Variants in SYN2 observed in about 807,000 individuals in gnomAD.
SYN2 encodes synapsin-2.
A neutral mutation model predicts 50.9 loss-of-function variants in SYN2; 19 were observed. The ratio of observed to expected loss-of-function variants is 0.37; its 90% CI spans 0.26 to 0.55. SYN2 has a LOEUF of 0.55. SYN2 is among the 20% of genes least tolerant of loss of function. The pLI, the probability that SYN2 is intolerant of heterozygous loss-of-function variation, is 0.81. For synonymous variants in SYN2, 255 were observed against 224.9 expected (o/e 1.13, Z -1.20); for missense variants, 587 against 576.4 (o/e 1.02, Z -0.19).
chr3:12,122,469 C>T (rs1012931420), intron 1 of SYN2, among the ~76,000 whole-genome samples: 3 of 152,042 alleles, frequency 2.0e-5, no homozygotes, highest in Non-Finnish European at 4.4e-5. Context: ...ATTGTAATAC[C>T]AACACAGCAA....
chr3:12,182,656 AC>A (rs1344362781), intron 10 of SYN2, among the ~76,000 whole-genome samples: 1 of 152,026 alleles, frequency 6.6e-6, no homozygotes, highest in African/African-American at 2.4e-5. Flanking sequence ...ACAAATGACG[AC>A]CCCTTTCTTT....
intron 1 of SYN2, among the ~76,000 whole-genome samples, chr3:12,022,022 A>G (rs1203385781): frequency 6.6e-6 from 1 of 151,658 alleles, no homozygotes; most frequent in Non-Finnish European, 1.5e-5. Context: ...GTGAGCTGAG[A>G]TCACACTGCC....
chr3:12,176,368 C>A (rs910737408), intron 10 of SYN2, among the ~76,000 whole-genome samples: 9 of 152,182 alleles, frequency 5.9e-5, no homozygotes, highest in African/African-American at 2.2e-4. Context: ...CTGTAAAATT[C>A]TCCAGAGCCA....
chr3:12,071,333 C>T (rs1559408377), intron 1 of SYN2: 2 of 570,290 alleles, frequency 3.5e-6, no homozygotes, highest in Non-Finnish European at 7.0e-6. Flanking sequence ...AACAAGTTGG[C>T]CCCTCCATCG....
At chr3:12,014,784 C>T (rs1165855573) in intron 1 of SYN2, among the ~76,000 whole-genome samples, 1 of 152,158 alleles carries the variant, frequency 6.6e-6, no homozygotes, top group South Asian at 2.1e-4. Context: ...TTCCACACAG[C>T]TTTTTTGGCT....
At chr3:12,068,689 T>G (rs1048905276) in intron 1 of SYN2, among the ~76,000 whole-genome samples, 1 of 152,322 alleles carries the variant, frequency 6.6e-6, no homozygotes, top group Non-Finnish European at 1.5e-5. Context: ...TCTGAGTTTT[T>G]TTTTCTGTAT....
chr3:12,124,734 C>T (rs747857920), intron 1 of SYN2, among the ~76,000 whole-genome samples: 1 of 152,040 alleles, frequency 6.6e-6, no homozygotes, highest in Non-Finnish European at 1.5e-5. Context: ...CCCAAACAAG[C>T]AAAACAGTAC....
chr3:12,039,460 C>G (rs973103638), intron 1 of SYN2, among the ~76,000 whole-genome samples: 1 of 151,448 alleles, frequency 6.6e-6, no homozygotes, highest in Non-Finnish European at 1.5e-5. Context: ...TAAACTCTAC[C>G]TTTGTGCTAG....
intron 4 of SYN2, among the ~76,000 whole-genome samples, chr3:12,147,593 G>A (rs1478425653): frequency 1.3e-5 from 2 of 152,210 alleles, no homozygotes; most frequent in South Asian, 2.1e-4. Flanking sequence ...TACGGCACAC[G>A]TGTCCTAACC....
chr3:12,147,295 T>C (rs978091418), intron 4 of SYN2, among the ~76,000 whole-genome samples: 2 of 152,168 alleles, frequency 1.3e-5, no homozygotes, highest in African/African-American at 4.8e-5. Flanking sequence ...CAGCTTTCTT[T>C]TTCCTTTTGA....
chr3:12,093,492 G>C (rs556281744), intron 1 of SYN2, among the ~76,000 whole-genome samples: 2 of 152,184 alleles, frequency 1.3e-5, no homozygotes, highest in African/African-American at 2.4e-5. Context: ...TCCTCCCCTG[G>C]TAAGATAGCT....
chr3:12,022,868 T>C (rs1051992297), intron 1 of SYN2, among the ~76,000 whole-genome samples: 1 of 152,092 alleles, frequency 6.6e-6, no homozygotes, highest in Non-Finnish European at 1.5e-5. Flanking sequence ...TTAATGCCTA[T>C]AGGAGGATGA....
chr3:12,020,528 C>T (rs559875848), intron 1 of SYN2, among the ~76,000 whole-genome samples: 2 of 152,224 alleles, frequency 1.3e-5, no homozygotes, highest in Admixed American at 6.5e-5. Flanking sequence ...CTGCTATGCC[C>T]ACTTCCCAGG....
intron 1 of SYN2, among the ~76,000 whole-genome samples, chr3:12,124,749 T>G (rs1696628842): frequency 6.6e-6 from 1 of 152,110 alleles, no homozygotes. Context: ...CAGTACTATA[T>G]TCAGTCTACG....
chr3:12,081,690 T>C (rs1195749413), intron 1 of SYN2, among the ~76,000 whole-genome samples: 2 of 152,202 alleles, frequency 1.3e-5, no homozygotes, highest in Non-Finnish European at 2.9e-5. Context: ...TCAGTAGCCA[T>C]CTAATCCGTC....
intron 10 of SYN2, among the ~76,000 whole-genome samples, chr3:12,173,839 G>A (rs1242352366): frequency 6.6e-6 from 1 of 152,158 alleles, no homozygotes; most frequent in Non-Finnish European, 1.5e-5. Context: ...ACCTGAACCC[G>A]GGAAGCAGAG....
chr3:12,096,203 TTC>T (rs1468197001), intron 1 of SYN2, among the ~76,000 whole-genome samples: 1 of 152,244 alleles, frequency 6.6e-6, no homozygotes, highest in South Asian at 2.1e-4. Flanking sequence ...TTGAAATTAC[TTC>T]CTATCTTAAA....
chr3:12,094,315 A>T (rs754055955), intron 1 of SYN2, among the ~76,000 whole-genome samples: 1 of 152,230 alleles, frequency 6.6e-6, no homozygotes, highest in South Asian at 2.1e-4. Context: ...CAGAAACAGG[A>T]TGGAGGAAGG....
intron 1 of SYN2, among the ~76,000 whole-genome samples, chr3:12,026,911 C>T (rs1052220429): frequency 2.0e-5 from 3 of 152,226 alleles, no homozygotes; most frequent in African/African-American, 7.2e-5. Context: ...GCAGTGCCCA[C>T]AAACTCAGAA....
Sources: allele counts gnomAD v4.1 joint callset (sites outside exome capture counted in the v4.1 genomes callset), GRCh38; gene constraint gnomAD v4.1.1; transcripts MANE v1.5; gene names NCBI Gene and HGNC (gene_info 2026-07-23, HGNC 2026-07-21).